CLCN3: variants seen among roughly 807,000 people sequenced by gnomAD.
CLCN3 encodes H(+)/Cl(-) exchange transporter 3.
CLCN3 carries 16 observed loss-of-function variants against 83.4 expected under a neutral mutation model. That is an observed-to-expected ratio of 0.19 (90% confidence interval 0.13 to 0.29). CLCN3 has a LOEUF of 0.29. CLCN3 is among the 10% of genes least tolerant of loss of function. The probability of loss-of-function intolerance (pLI) is 1.00; values close to 1 mark genes in which losing one functional copy is unlikely to be tolerated. For synonymous variants in CLCN3, 322 were observed against 346.2 expected, an observed-to-expected ratio of 0.93 and a Z score of 0.78; for missense variants, 544 against 1,006.0, an observed-to-expected ratio of 0.54 and a Z score of 6.21.
intron 6 of CLCN3, among the ~76,000 whole-genome samples, chr4:169,691,004 A>AT (rs1355770040): frequency 1.0e-3 from 153 of 145,976 alleles, no homozygotes; most frequent in Middle Eastern, 3.5e-3. Context: ...ATGACCCTGA[A>AT]TTTTTTTTTT....
intron 6 of CLCN3, among the ~76,000 whole-genome samples, chr4:169,690,912 CTATT>C (rs950524404): frequency 4.0e-5 from 6 of 151,852 alleles, no homozygotes; most frequent in African/African-American, 1.5e-4. Context: ...AATTTTCAGA[CTATT>C]TAGTTAAACA....
Position 169,721,785 on chromosome 4 carries a change from G to T in CLCN3, c.*1788G>T, listed in dbSNP as rs2150284226. The T allele has an allele frequency of 6.6e-6, 1 of 152,190 alleles. No homozygotes were observed. The highest frequency in any genetic ancestry group is 1.5e-5 in the Non-Finnish European group (1 of 68,002). The allele number at this position is 152,190 out of a possible 1,614,324, so 9.4% of individuals were successfully genotyped here. ...CAAAGGCAGTTTACTCAAAGGACTG[G>T]GCTAAATATTCTGTAATTATGCATT... On this transcript the variant is annotated 3_prime_UTR_variant, in exon 13 of 13. Transcript: ENST00000513761.
intron 1 of CLCN3, among the ~76,000 whole-genome samples, chr4:169,621,727 A>G (rs192771251): frequency 6.6e-6 from 1 of 152,372 alleles, no homozygotes; most frequent in East Asian, 1.9e-4. Context: ...TTACTGCAGC[A>G]TCATTGTGGC....
At chr4:169,667,793 TGGA>T (rs1351011130) in intron 2 of CLCN3, among the ~76,000 whole-genome samples, 8 of 151,656 alleles carry the variant, frequency 5.3e-5, no homozygotes, top group African/African-American at 1.9e-4. Flanking sequence ...TCGCCCAGGT[TGGA>T]GTGCAGTGGC....
At chr4:169,656,062 G>A (rs1252455541) in intron 2 of CLCN3, among the ~76,000 whole-genome samples, 1 of 150,390 alleles carries the variant, frequency 6.6e-6, no homozygotes. Context: ...AAGCTTTGCT[G>A]TATCTTTTTT....
chr4:169,647,260 C>T (rs1730600778), intron 2 of CLCN3, among the ~76,000 whole-genome samples: 1 of 151,992 alleles, frequency 6.6e-6, no homozygotes, highest in Admixed American at 6.6e-5. Context: ...CATGGTGGTG[C>T]TTGTCTGTGG....
At chr4:169,709,839 C>T (rs924722122) in intron 11 of CLCN3, among the ~76,000 whole-genome samples, 3 of 151,892 alleles carry the variant, frequency 2.0e-5, no homozygotes, top group African/African-American at 7.3e-5. Flanking sequence ...TGAGTAGCAT[C>T]AAAAATATTT....
intron 2 of CLCN3, among the ~76,000 whole-genome samples, chr4:169,648,030 A>G (rs1169589100): frequency 6.6e-6 from 1 of 152,224 alleles, no homozygotes; most frequent in East Asian, 1.9e-4. Flanking sequence ...GCTTAGACTG[A>G]ATGACATTTT....
intron 3 of CLCN3, among the ~76,000 whole-genome samples, chr4:169,682,218 A>G (rs1464346419): frequency 6.7e-6 from 1 of 149,874 alleles, no homozygotes; most frequent in Non-Finnish European, 1.5e-5. Flanking sequence ...TGACACTTAT[A>G]TAATATAATA....
chr4:169,672,214 AATAAATG>A (rs748229302), intron 2 of CLCN3, among the ~76,000 whole-genome samples: 202 of 124,216 alleles, frequency 1.6e-3, no homozygotes, highest in African/African-American at 6.7e-3. Context: ...TCCATCTCAA[AATAAATG>A]ATAGATAGAT....
At chr4:169,623,554 T>C (rs182240393) in intron 1 of CLCN3, among the ~76,000 whole-genome samples, 1 of 152,322 alleles carries the variant, frequency 6.6e-6, no homozygotes, top group African/African-American at 2.4e-5. Flanking sequence ...AATTTTGAGG[T>C]ATATAGTACA....
At chr4:169,632,778 A>T (rs1405621750) in intron 1 of CLCN3, among the ~76,000 whole-genome samples, 1 of 151,648 alleles carries the variant, frequency 6.6e-6, no homozygotes, top group Admixed American at 6.6e-5. Flanking sequence ...GCTGCATAGA[A>T]CTTTTTCTGC....
At chr4:169,659,798 A>G (rs192786942) in intron 2 of CLCN3, among the ~76,000 whole-genome samples, 222 of 152,210 alleles carry the variant, frequency 1.5e-3, no homozygotes, top group Non-Finnish European at 2.7e-3. Context: ...TTTTATGGCT[A>G]TGACTCACAT....
chr4:169,629,358 C>T (rs1011558794), intron 1 of CLCN3, among the ~76,000 whole-genome samples: 3 of 151,966 alleles, frequency 2.0e-5, no homozygotes, highest in Non-Finnish European at 4.4e-5. Flanking sequence ...AAAAATTGAA[C>T]ATCTACTGTG....
chr4:169,711,015 T>A (rs1000959931), intron 11 of CLCN3, among the ~76,000 whole-genome samples: 1 of 152,214 alleles, frequency 6.6e-6, no homozygotes, highest in Admixed American at 6.5e-5. Flanking sequence ...TTTAATTCTT[T>A]TGTCTTTCAA....
chr4:169,665,539 A>C (rs1731212283), intron 2 of CLCN3, among the ~76,000 whole-genome samples: 1 of 152,188 alleles, frequency 6.6e-6, no homozygotes, highest in Non-Finnish European at 1.5e-5. Flanking sequence ...CTATCAACTT[A>C]GAACGTTTAC....
In CLCN3 at chr4:169,660,699, CTTCT is replaced by C. The variant is rs1483932639; in HGVS notation, c.161-19346_161-19343del. ...CCGACTCCATCTTCTGCATGAAAAT[CTTCT>C]TTCTAACTCTGAAAATGAATTAATC... On this transcript the variant is annotated intron_variant, in intron 2 of 12. Coordinates refer to ENST00000513761, the MANE Select transcript of CLCN3 (RefSeq NM_001829.4). 3.3e-5 allele frequency among the ~76,000 whole-genome samples: 5 copies of C among 152,312 alleles called. No homozygotes were observed. In the South Asian group the frequency reaches 6.2e-4, roughly 19 times the overall value.
At chr4:169,680,273 C>A in intron 3 of CLCN3, 66 bp downstream of exon 3, 2 of 1,140,060 alleles carry the variant, frequency 1.8e-6, no homozygotes, top group Non-Finnish European at 2.5e-6. Context: ...TAATATATTT[C>A]TGCCAATGAT....
intron 10 of CLCN3, 126 bp downstream of exon 10, chr4:169,704,310 T>A: frequency 1.3e-6 from 1 of 748,836 alleles, no homozygotes; most frequent in Non-Finnish European, 2.2e-6. Context: ...CAGGAGGAGA[T>A]GTTTTAACAG....
Sources: gnomAD v4.1 joint callset for allele counts (sites outside exome capture counted in the v4.1 genomes callset) on GRCh38, gnomAD v4.1.1 for gene constraint, MANE v1.5 for transcripts, NCBI Gene and HGNC (gene_info 2026-07-23, HGNC 2026-07-21) for gene names.